The following GSDMB variants were observed in gnomAD, a reference collection of about 807,000 sequenced individuals.
The protein encoded by GSDMB is gasdermin B.
In GSDMB, 32 loss-of-function variants were observed where a neutral mutation model predicts 42.9. The observed-to-expected ratio is 0.75, with a 90% CI of 0.56 to 1.00. The LOEUF (loss-of-function observed/expected upper bound fraction) is 1.00. Among genes scored for constraint, GSDMB ranks in the 50% least tolerant of loss-of-function variants. The pLI, the probability that GSDMB is intolerant of heterozygous loss-of-function variation, is 0.00. For synonymous variants in GSDMB, 175 were observed against 193.7 expected, an observed-to-expected ratio of 0.90 and a Z score of 0.80; for missense variants, 468 against 498.5, an observed-to-expected ratio of 0.94 and a Z score of 0.58.
rs892039237 is a variant in GSDMB at position 39,908,162 on chromosome 17, A to G, written c.700+14T>C. ...TTCTGAAATGACGAACGGGAAGCCC[A>G]GCAGCTCACTCACCTTCTGGAAAGG... On this transcript the variant is annotated intron_variant, in intron 6 of 10. Coordinates refer to ENST00000418519, the MANE Select transcript of GSDMB (RefSeq NM_001165958.2). 1 of 1,438,304 alleles carries G rather than the reference A, an allele frequency of 7.0e-7. No individual in the cohort carries two copies. The highest frequency in any genetic ancestry group is 1.4e-5 in the African/African-American group (1 of 71,772). 89.1% of individuals were successfully genotyped at this position (1,438,304 alleles called of 1,614,324 possible). A position where few individuals can be genotyped will look rare whatever the true frequency, so the allele number is the denominator to read the frequency against.
At chr17:39,911,148 C>A (rs2144694101) in intron 3 of GSDMB, among the ~76,000 whole-genome samples, 1 of 152,072 alleles carries the variant, frequency 6.6e-6, no homozygotes, top group Admixed American at 6.5e-5. Flanking sequence ...GTGAATGAAA[C>A]CCTGTCTCTA....
rs374419901 is a variant in GSDMB, at chr17:39,917,330, A to G, written c.-14T>C. On this transcript the variant is annotated splice_region_variant and 5_prime_UTR_variant, in exon 2 of 11. Transcript: ENST00000418519. ...TACGCTGAACATTGCGCCTGGACCA[A>G]CTCAGAAACAGAAGCCAATTTCAGT... 6.4e-6 allele frequency: 10 copies of G among 1,551,016 alleles called. No individual in the cohort carries two copies. Among genetic ancestry groups the G allele is most frequent in the Non-Finnish European group, 8.9e-6 (10 of 1,122,596 alleles).
rs535942541 is a variant in GSDMB, at chr17:39,910,436, G to C, written c.408-512C>G. 3.5e-4 allele frequency among the ~76,000 whole-genome samples: 53 copies of C among 152,312 alleles called. 1 individual carries two copies. The highest frequency in any genetic ancestry group is 3.1e-3 in the Admixed American group (47 of 15,284). On this transcript the variant is annotated intron_variant, in intron 3 of 10. Coordinates refer to ENST00000418519, the MANE Select transcript of GSDMB (RefSeq NM_001165958.2). ...CACTTAACCTTCACAATCCTATGAT[G>C]GTAGGCAGAATTACGTCCACTTTCC...
chr17:39,904,774 A>G lies in GSDMB; in HGVS notation c.*38T>C, dbSNP rs1261201563. 1 of 1,597,916 alleles carries G rather than the reference A, an allele frequency of 6.3e-7. No homozygotes were observed. Among genetic ancestry groups the G allele is most frequent in the Admixed American group, 1.7e-5 (1 of 59,330 alleles). ...GCAGTGAGGACAGACTGGTAAAGGG[A>G]AAACCCAGAGGCTTGTGGGGAGAAA... On this transcript the variant is annotated 3_prime_UTR_variant, in exon 11 of 11. Transcript: ENST00000418519.
intron 2 of GSDMB, among the ~76,000 whole-genome samples, chr17:39,916,819 A>G (rs2144720510): frequency 6.6e-6 from 1 of 152,296 alleles, no homozygotes; most frequent in Middle Eastern, 3.4e-3. Flanking sequence ...TCGCTAAATT[A>G]AAAGCAGATT....
intron 3 of GSDMB, among the ~76,000 whole-genome samples, chr17:39,911,481 G>A (rs1262484682): frequency 6.6e-6 from 1 of 152,146 alleles, no homozygotes; most frequent in Non-Finnish European, 1.5e-5. Flanking sequence ...TGAGGGGATG[G>A]CTAGTGATGT....
At chr17:39,911,467 T>C (rs1008567286) in intron 3 of GSDMB, among the ~76,000 whole-genome samples, 4 of 152,124 alleles carry the variant, frequency 2.6e-5, no homozygotes, top group Non-Finnish European at 4.4e-5. Flanking sequence ...AACAGAACTA[T>C]TGCTGAGGGG....
chr17:39,915,971 T>C (rs1041368107), intron 2 of GSDMB, among the ~76,000 whole-genome samples: 1 of 152,186 alleles, frequency 6.6e-6, no homozygotes, highest in African/African-American at 2.4e-5. Flanking sequence ...TGAAATATAA[T>C]GAACTCCTCA....
chr17:39,907,676 T>C (rs36000226), intron 6 of GSDMB: 58,823 of 152,106 alleles, frequency 0.39, 12,811 homozygotes, highest in Non-Finnish European at 0.49. Context: ...TGCAGTGAGC[T>C]GAGATCACAC....
chr17:39,917,104 A>G lies in GSDMB; in HGVS notation c.213T>C (p.Asp71=), dbSNP rs1205268554. The stretch of plus-strand genomic sequence containing the variant: ...GACCTTGGAGCCCAGAATCCAGTTC[A>G]TCTAACCACTTGTCCCCATCTGTGT... ...ILDTDGDKWL[D]ELDSGLQGQK... is the part of the protein sequence containing the mutation. The change falls in exon 2 of 11, where the codon GAT becomes GAC. Residue 71 remains aspartate, a synonymous_variant. Transcript: ENST00000418519. 4 of 1,613,812 alleles carry G rather than the reference A, an allele frequency of 2.5e-6. No individual in the cohort carries two copies. In the Admixed American group the frequency reaches 6.7e-5, roughly 27 times the overall value.
intron 4 of GSDMB, 47 bp from the exon 5 acceptor site, chr17:39,909,089 CATT>C: frequency 2.7e-6 from 3 of 1,094,614 alleles, no homozygotes; most frequent in Non-Finnish European, 2.7e-6. Flanking sequence ...GTTTCTACAT[CATT>C]ATCTTGCCTG....
At chr17:39,905,200 T>C in intron 10 of GSDMB, 2 of 603,736 alleles carry the variant, frequency 3.3e-6, no homozygotes, top group Non-Finnish European at 5.9e-6. Context: ...ACTAACCAAT[T>C]TGCAGCCCTC....
In GSDMB at chr17:39,904,931, GCT is replaced by G; in HGVS notation, c.1130_1131del (p.Glu377AlafsTer7). 1 of 1,613,748 alleles carries G rather than the reference GCT, an allele frequency of 6.2e-7. No individual in the cohort carries two copies. The highest frequency in any genetic ancestry group is 1.1e-5 in the South Asian group (1 of 91,074). ...VKSVMEQNWD[E>X]LASSPPDMDY... ...TCCATGTCAGGAGGACTGCTGGCCA[GCT>G]CATCCCAGTTCTGCTCCATGACAGA... On this transcript the variant is annotated frameshift_variant, in exon 11 of 11. Transcript: ENST00000418519. LOFTEE classifies it low-confidence loss of function (END_TRUNC).
At chr17:39,914,833 C>CTTTTTTTTTTTTTTTTTTTTTTTT (rs79835993) in intron 2 of GSDMB, among the ~76,000 whole-genome samples, 1 of 140,050 alleles carries the variant, frequency 7.1e-6, no homozygotes, top group Non-Finnish European at 1.5e-5. Flanking sequence ...CCTATGCACA[C>CTTTTTTTTTTTTTTTTTTTTTTTT]TTTTTTTTTT....
chr17:39,905,373 A>G lies in GSDMB; in HGVS notation c.1098+53T>C. ...CCTGGGACTTCTGGGTCCCTTGAGA[A>G]TATGGGCATTCCCTTCCACTATGAC... On this transcript the variant is annotated intron_variant, in intron 10 of 10. Transcript: ENST00000418519. 9 of 1,258,798 alleles carry G rather than the reference A, an allele frequency of 7.1e-6. No individual in the cohort carries two copies. In the South Asian group the frequency reaches 1.1e-4, roughly 16 times the overall value. 78.0% of individuals were successfully genotyped at this position (1,258,798 alleles called of 1,614,324 possible).
intron 7 of GSDMB, chr17:39,906,698 C>G: frequency 1.7e-6 from 2 of 1,208,696 alleles, no homozygotes; most frequent in Non-Finnish European, 2.2e-6. Context: ...CACACCCCCA[C>G]AATTAAGTCA....
chr17:39,908,323 TCAAA>T, intron 5 of GSDMB, 109 bp from the exon 6 acceptor site: 4 of 124,810 alleles, frequency 3.2e-5, no homozygotes, highest in East Asian at 1.2e-4. Flanking sequence ...CAGCCTCCAA[TCAAA>T]AAAAAAAAAA....
At position 39,906,518 on chromosome 17, in the gene GSDMB, C is replaced by T. The variant is rs915822189; in HGVS notation, c.728-247G>A. 7 of 1,346,964 alleles carry T rather than the reference C, an allele frequency of 5.2e-6. No homozygotes were observed. In the African/African-American group the frequency reaches 8.8e-5, roughly 17 times the overall value. 83.4% of individuals were successfully genotyped at this position (1,346,964 alleles called of 1,614,324 possible). A position where few individuals can be genotyped will look rare whatever the true frequency, so the allele number is the denominator to read the frequency against. On this transcript the variant is annotated intron_variant, in intron 7 of 10. Coordinates refer to ENST00000418519, the MANE Select transcript of GSDMB (RefSeq NM_001165958.2). ...CTAGTCCCAACCCCAAATTCTTCTC[C>T]ACTTCCTGGAAAAAAACAAAAACTT...
chr17:39,911,475 G>T (rs572792651), intron 3 of GSDMB, among the ~76,000 whole-genome samples: 1 of 152,226 alleles, frequency 6.6e-6, no homozygotes, highest in Admixed American at 6.5e-5. Context: ...TATTGCTGAG[G>T]GGATGGCTAG....
Sources: gnomAD v4.1 joint callset for allele counts (sites outside exome capture counted in the v4.1 genomes callset) on GRCh38, gnomAD v4.1.1 for gene constraint, MANE v1.5 for transcripts, NCBI Gene and HGNC (gene_info 2026-07-23, HGNC 2026-07-21) for gene names.